The following DOCK3 variants were observed in gnomAD, a reference collection of about 807,000 sequenced individuals.
DOCK3 encodes dedicator of cytokinesis 3.
DOCK3 carries 60 observed loss-of-function variants against 265.6 expected under a neutral mutation model. That is an observed-to-expected ratio of 0.23 (90% CI 0.18 to 0.28). DOCK3 has a LOEUF of 0.28. Among genes scored for constraint, DOCK3 ranks in the 10% least tolerant of loss-of-function variants. The pLI, the probability that DOCK3 is intolerant of heterozygous loss-of-function variation, is 1.00. For missense variants in DOCK3, 1,981 were observed against 2,594.3 expected (o/e 0.76, Z 5.14); for synonymous variants, 881 against 938.0 (o/e 0.94, Z 1.11).
In DOCK3 at chr3:50,684,171, A is replaced by G. The variant is rs528629393; in HGVS notation, c.37+8871A>G. Among the ~76,000 whole-genome samples, 8 of 152,246 alleles carry G rather than the reference A, an allele frequency of 5.3e-5. No individual in the cohort carries two copies. In the South Asian group the frequency reaches 1.7e-3, roughly 32 times the overall value. On this transcript the variant is annotated intron_variant, in intron 1 of 52. Coordinates refer to ENST00000266037, the MANE Select transcript of DOCK3 (RefSeq NM_004947.5). ...CCTTTCCCTACTCTGCCTGATATAA[A>G]TAAGCATTGCTGCTTCTACTGCAGT...
chr3:50,901,239 C>T (rs923160411), intron 4 of DOCK3, among the ~76,000 whole-genome samples: 2 of 152,154 alleles, frequency 1.3e-5, no homozygotes, highest in Non-Finnish European at 2.9e-5. Flanking sequence ...GGGCTCCACC[C>T]AGTTTGAACT....
At chr3:50,765,045 T>C (rs2040779808) in intron 1 of DOCK3, among the ~76,000 whole-genome samples, 1 of 149,614 alleles carries the variant, frequency 6.7e-6, no homozygotes, top group East Asian at 2.0e-4. Context: ...TATGGGCTTA[T>C]TTGTTTTGAA....
At chr3:51,201,263 C>T (rs1393632151) in intron 12 of DOCK3, among the ~76,000 whole-genome samples, 2 of 150,754 alleles carry the variant, frequency 1.3e-5, no homozygotes, top group East Asian at 3.9e-4. Context: ...CATCAGTGTG[C>T]TGTATTCAGG....
chr3:50,947,873 T>C (rs957839325), intron 5 of DOCK3, among the ~76,000 whole-genome samples: 1 of 149,790 alleles, frequency 6.7e-6, no homozygotes, highest in Non-Finnish European at 1.5e-5. Context: ...TTTTTTTTTT[T>C]TTTATGGAGT....
At chr3:50,895,351 C>T (rs985259306) in intron 4 of DOCK3, among the ~76,000 whole-genome samples, 1 of 149,854 alleles carries the variant, frequency 6.7e-6, no homozygotes, top group African/African-American at 2.5e-5. Context: ...TCACCCATCA[C>T]CTAGGTATTA....
chr3:50,946,099 A>AAC (rs2076420350), intron 5 of DOCK3, among the ~76,000 whole-genome samples: 1 of 150,280 alleles, frequency 6.7e-6, no homozygotes, highest in East Asian at 1.9e-4. Flanking sequence ...TCTCTTAAAA[A>AAC]AAAAAAAAAA....
chr3:50,757,737 T>C lies in DOCK3; in HGVS notation c.38-20938T>C, dbSNP rs567923316. ...ACTCCTGTTTAAGAATTCTGTAGTTTAGCTCTTACATTTAGGTTTAAACTT... is the reference window on the plus strand; with the variant it reads ...ACTCCTGTTTAAGAATTCTGTAGTTCAGCTCTTACATTTAGGTTTAAACTT... On this transcript the variant is annotated intron_variant, in intron 1 of 52. Transcript: ENST00000266037. 6.6e-5 allele frequency among the ~76,000 whole-genome samples: 10 copies of C among 152,322 alleles called. No individual in the cohort carries two copies. The South Asian group carries it at 1.7e-3, about 25-fold the overall frequency.
intron 8 of DOCK3, 124 bp downstream of exon 8, chr3:51,089,408 C>A: frequency 3.3e-6 from 4 of 1,201,656 alleles, no homozygotes; most frequent in South Asian, 1.5e-5. Context: ...GTGTCTTTAT[C>A]TGAGGAGCTT....
rs1357819464 is a variant in DOCK3 at position 50,701,678 on chromosome 3, T to C, written c.37+26378T>C. 2.6e-5 allele frequency among the ~76,000 whole-genome samples: 4 copies of C among 152,266 alleles called. No homozygotes were observed. In the East Asian group the frequency reaches 5.8e-4, roughly 22 times the overall value. On this transcript the variant is annotated intron_variant, in intron 1 of 52. Transcript: ENST00000266037. ...CTTTGTGTAGACCAATGTTTTCTTT[T>C]AGTAGTTTTGTAGTTTTGGGTCTTA...
At chr3:50,719,937 C>A in intron 1 of DOCK3, 1 of 511,432 alleles carries the variant, frequency 2.0e-6, no homozygotes, top group Non-Finnish European at 3.6e-6. Flanking sequence ...AAGGGCGTAC[C>A]GTCCACAGTG....
In DOCK3 at chr3:51,359,047, G is replaced by C. The variant is rs1194610685; in HGVS notation, c.4884+970G>C. ...CTCTTCTCATCACCCAGGACCACTGGACAGAAGTGGCAGGGAGACAAGAAG... is the reference window on the plus strand; with the variant it reads ...CTCTTCTCATCACCCAGGACCACTGCACAGAAGTGGCAGGGAGACAAGAAG... On this transcript the variant is annotated intron_variant, in intron 46 of 52. Coordinates refer to ENST00000266037, the MANE Select transcript of DOCK3 (RefSeq NM_004947.5). The surrounding 1 kb of genome is among the most constrained non-coding windows in gnomAD (Gnocchi z 4.8). Among the ~76,000 whole-genome samples, 1 of 152,236 alleles carries C rather than the reference G, an allele frequency of 6.6e-6. No individual in the cohort carries two copies. Among genetic ancestry groups the C allele is most frequent in the African/African-American group, 2.4e-5 (1 of 41,462 alleles).
chr3:51,262,765 T>G (rs2079929769), intron 23 of DOCK3, among the ~76,000 whole-genome samples: 1 of 152,134 alleles, frequency 6.6e-6, no homozygotes, highest in Non-Finnish European at 1.5e-5. Flanking sequence ...AAGAACTTTG[T>G]GAAGCATACA....
chr3:50,960,836 T>C (rs2076866124), intron 5 of DOCK3, among the ~76,000 whole-genome samples: 1 of 152,156 alleles, frequency 6.6e-6, no homozygotes, highest in Non-Finnish European at 1.5e-5. Flanking sequence ...ATAATCCATT[T>C]TGAGTTCATT....
chr3:51,046,030 A>G lies in DOCK3; in HGVS notation c.316-18418A>G, dbSNP rs79101121. 1.6e-4 allele frequency among the ~76,000 whole-genome samples: 25 copies of G among 152,334 alleles called. No homozygotes were observed. The East Asian group carries it at 4.2e-3, about 26-fold the overall frequency. On this transcript the variant is annotated intron_variant, in intron 5 of 52. Coordinates refer to ENST00000266037, the MANE Select transcript of DOCK3 (RefSeq NM_004947.5). ...GAAGTAACATTGTTATCAGCTTAAA[A>G]TAGACTGTCATAAGAAGTTTTACAA...
intron 9 of DOCK3, among the ~76,000 whole-genome samples, chr3:51,122,237 T>C (rs573153042): frequency 1.1e-4 from 17 of 152,292 alleles, no homozygotes; most frequent in South Asian, 4.1e-4. Flanking sequence ...CCCAGCACTT[T>C]GGAAGGTCAA....
intron 15 of DOCK3, among the ~76,000 whole-genome samples, chr3:51,226,167 G>T (rs2090317966): frequency 6.6e-6 from 1 of 152,202 alleles, no homozygotes; most frequent in African/African-American, 2.4e-5. Flanking sequence ...TTGGTCAAGT[G>T]TGGAACTTAG....
chr3:50,904,379 A>G (rs1475984352), intron 4 of DOCK3, among the ~76,000 whole-genome samples: 3 of 152,230 alleles, frequency 2.0e-5, no homozygotes, highest in Non-Finnish European at 2.9e-5. Flanking sequence ...AGTCCCACCA[A>G]CAGTGTAAGA....
chr3:51,044,155 T>C (rs2080657264), intron 5 of DOCK3, among the ~76,000 whole-genome samples: 2 of 152,140 alleles, frequency 1.3e-5, no homozygotes, highest in African/African-American at 4.8e-5. Context: ...CTATTCACAA[T>C]AGCAAAGACA....
At chr3:51,360,782 C>G in intron 47 of DOCK3, 150 bp downstream of exon 47, 1 of 1,071,654 alleles carries the variant, frequency 9.3e-7, no homozygotes, top group East Asian at 2.6e-5. Context: ...GGACCCACAC[C>G]CTGCATTCAG....
Sources: gnomAD v4.1 joint callset for allele counts (sites outside exome capture counted in the v4.1 genomes callset) on GRCh38, gnomAD v4.1.1 for gene constraint, Gnocchi (gnomAD v3.1) non-coding constraint, MANE v1.5 for transcripts, NCBI Gene and HGNC (gene_info 2026-07-23, HGNC 2026-07-21) for gene names.